Variants in CACNA1E observed in about 807,000 individuals in gnomAD.
CACNA1E encodes the protein calcium voltage-gated channel subunit alpha1 E, also known as voltage-dependent R-type calcium channel subunit alpha-1E.
Under a neutral mutation model 259.2 loss-of-function variants are expected in CACNA1E, and 40 were observed. The observed-to-expected ratio is 0.15, with a 90% CI of 0.12 to 0.20. The LOEUF is 0.20. CACNA1E is among the 10% of genes least tolerant of loss of function. The probability of loss-of-function intolerance (pLI) is 1.00; values close to 1 mark genes in which losing one functional copy is unlikely to be tolerated. For missense variants in CACNA1E, 1,874 were observed against 3,040.1 expected (o/e 0.62, Z 9.02); for synonymous variants, 1,104 against 1,138.5 (o/e 0.97, Z 0.61).
At chr1:181,564,135 A>G (rs899511445) in intron 3 of CACNA1E, among the ~76,000 whole-genome samples, 1 of 152,100 alleles carries the variant, frequency 6.6e-6, no homozygotes, top group Non-Finnish European at 1.5e-5. Flanking sequence ...TTCTTAAAAT[A>G]AGACAAGAAC....
chr1:181,605,475 T>G (rs1282586725), intron 6 of CACNA1E, among the ~76,000 whole-genome samples: 1 of 152,150 alleles, frequency 6.6e-6, no homozygotes, highest in Non-Finnish European at 1.5e-5. Context: ...TGTTTCCTTT[T>G]CTTCGTGTTT....
chr1:181,345,309 T>G (rs964117544), intron 1 of CACNA1E, among the ~76,000 whole-genome samples: 3 of 152,228 alleles, frequency 2.0e-5, no homozygotes, highest in Non-Finnish European at 4.4e-5. Context: ...CCACAGACCC[T>G]GGGGTGAGAT....
At chr1:181,432,241 C>T (rs1021214764) in intron 2 of CACNA1E, among the ~76,000 whole-genome samples, 2 of 152,034 alleles carry the variant, frequency 1.3e-5, no homozygotes, top group African/African-American at 4.8e-5. Flanking sequence ...ATCAAGAGAC[C>T]TTCCTGAAGC....
At chr1:181,333,316 C>T (rs1651426540) in intron 1 of CACNA1E, among the ~76,000 whole-genome samples, 1 of 152,178 alleles carries the variant, frequency 6.6e-6, no homozygotes, top group South Asian at 2.1e-4. Context: ...CTCCTCTGTG[C>T]CCATCTTCTG....
At chr1:181,786,079 A>T (rs1660822749) in intron 43 of CACNA1E, among the ~76,000 whole-genome samples, 1 of 152,164 alleles carries the variant, frequency 6.6e-6, no homozygotes, top group Non-Finnish European at 1.5e-5. Flanking sequence ...ACTTCTTTTA[A>T]TATACTTGGG....
Position 181,436,899 on chromosome 1 carries a change from T to C in CACNA1E, c.434+23319T>C, listed in dbSNP as rs555108942. 2.0e-5 allele frequency among the ~76,000 whole-genome samples: 3 copies of C among 152,346 alleles called. No individual in the cohort carries two copies. The South Asian group carries it at 6.2e-4, about 32-fold the overall frequency. ...AAATAGGTATATGAGGTGATGGATA[T>C]GTTAATTAGCTTGATTTTATCATGT... On this transcript the variant is annotated intron_variant, in intron 2 of 11. Transcript: ENST00000524607.
intron 6 of CACNA1E, among the ~76,000 whole-genome samples, chr1:181,594,618 GA>G (rs1398176412): frequency 2.6e-5 from 4 of 152,158 alleles, no homozygotes; most frequent in Non-Finnish European, 5.9e-5. Flanking sequence ...GACTGGTCTT[GA>G]ACTCCTGACT....
chr1:181,676,225 C>T (rs181933477), intron 7 of CACNA1E, among the ~76,000 whole-genome samples: 89 of 152,236 alleles, frequency 5.8e-4, no homozygotes, highest in African/African-American at 2.0e-3. Flanking sequence ...TTTTGCCCAC[C>T]ATACTCAAAT....
intron 6 of CACNA1E, among the ~76,000 whole-genome samples, chr1:181,603,550 C>A (rs1459640140): frequency 6.6e-6 from 1 of 151,880 alleles, no homozygotes; most frequent in African/African-American, 2.4e-5. Flanking sequence ...AGAAAAGCAA[C>A]CCCCTCCCCC....
At chr1:181,574,575 G>A (rs1288571050) in intron 3 of CACNA1E, among the ~76,000 whole-genome samples, 1 of 152,210 alleles carries the variant, frequency 6.6e-6, no homozygotes, top group East Asian at 1.9e-4. Flanking sequence ...GTAGAGATGA[G>A]TAAAATGGTG....
intron 3 of CACNA1E, among the ~76,000 whole-genome samples, chr1:181,521,990 TGGC>T (rs1183031951): frequency 1.3e-5 from 2 of 152,174 alleles, no homozygotes; most frequent in Non-Finnish European, 2.9e-5. Context: ...AGGGCCTCGT[TGGC>T]ATGTCCAGGC....
At chr1:181,535,215 A>T (rs1026571853) in intron 3 of CACNA1E, among the ~76,000 whole-genome samples, 4 of 152,188 alleles carry the variant, frequency 2.6e-5, no homozygotes, top group African/African-American at 9.6e-5. Context: ...TTCATAAAAA[A>T]GTTCAGTATC....
At chr1:181,411,407 A>G (rs151190768) in intron 1 of CACNA1E, among the ~76,000 whole-genome samples, 1 of 152,284 alleles carries the variant, frequency 6.6e-6, no homozygotes, top group Non-Finnish European at 1.5e-5. Context: ...TAGTGGAGGA[A>G]CAGTGCACAA....
rs999139568 is a variant in CACNA1E at position 181,718,127 on chromosome 1, G to A, written c.1598G>A (p.Arg533His). ...MSLKMYGMGP[R>H]LYFHSSFNCF... is the part of the protein sequence containing the mutation. ...CTGAAGATGTATGGCATGGGGCCTC[G>A]CCTTTATTTTCACTCTTCATTCAAC... is the stretch of plus-strand genomic sequence containing the variant. The change falls in exon 12 of 48, where the codon CGC (arginine) becomes CAC (histidine). Residue 533 changes from arginine (R) to histidine (H), a missense_variant. Arg to His is a conservative substitution (Grantham distance 29). Transcript: ENST00000367573. 8 of 1,610,596 alleles carry A rather than the reference G, an allele frequency of 5.0e-6. No homozygotes were observed. The highest frequency in any genetic ancestry group is 6.8e-6 in the Non-Finnish European group (8 of 1,177,028).
intron 17 of CACNA1E, 133 bp from the exon 18 acceptor site, chr1:181,725,932 T>G (rs1654866209): frequency 6.6e-6 from 4 of 602,724 alleles, no homozygotes; most frequent in Non-Finnish European, 1.2e-5. Flanking sequence ...AACATCTCGC[T>G]GTCTTGTTTA....
At chr1:181,565,410 T>C (rs1234626579) in intron 3 of CACNA1E, among the ~76,000 whole-genome samples, 3 of 152,346 alleles carry the variant, frequency 2.0e-5, no homozygotes, top group Non-Finnish European at 4.4e-5. Flanking sequence ...ATTGGCTTTA[T>C]TTTTCTCTCT....
intron 1 of CACNA1E, among the ~76,000 whole-genome samples, chr1:181,320,306 C>T (rs1650239084): frequency 1.3e-5 from 2 of 152,186 alleles, no homozygotes; most frequent in Admixed American, 1.3e-4. Flanking sequence ...GGAGAAATGT[C>T]TGTTTTTTAC....
intron 3 of CACNA1E, among the ~76,000 whole-genome samples, chr1:181,539,351 T>C (rs535622990): frequency 6.6e-6 from 1 of 152,260 alleles, no homozygotes; most frequent in South Asian, 2.1e-4. Context: ...TCAGCAAATA[T>C]TACCAAATGA....
At chr1:181,770,127 T>C (rs970647948) in intron 35 of CACNA1E, among the ~76,000 whole-genome samples, 1 of 152,168 alleles carries the variant, frequency 6.6e-6, no homozygotes, top group East Asian at 1.9e-4. Context: ...GTTCCTCAAT[T>C]GCACATTCTA....
Sources: allele counts gnomAD v4.1 joint callset (sites outside exome capture counted in the v4.1 genomes callset), GRCh38; gene constraint gnomAD v4.1.1; transcripts MANE v1.5; gene names NCBI Gene and HGNC (gene_info 2026-07-23, HGNC 2026-07-21).